Variants in ZNF469 observed in about 807,000 individuals in gnomAD.
ZNF469 encodes the protein zinc finger protein 469.
Under a neutral mutation model 1.0 loss-of-function variants are expected in ZNF469, and 1 was observed. The ratio of observed to expected loss-of-function variants is 1.00; its 90% confidence interval spans 0.35 to 4.73. The LOEUF (loss-of-function observed/expected upper bound fraction) is 4.73, where lower values mean the gene tolerates loss of function less well. Among genes scored for constraint, ZNF469 ranks in the 30% most tolerant of loss-of-function variants. The probability of loss-of-function intolerance (pLI) is 0.16; values close to 1 mark genes in which losing one functional copy is unlikely to be tolerated. For missense variants in ZNF469, 6,100 were observed against 5,356.3 expected (o/e 1.14, Z -4.33); for synonymous variants, 2,703 against 2,363.4 (o/e 1.14, Z -4.17).
At chr16:88,146,966 C>T in the ZNF469 span, among the ~76,000 whole-genome samples, 1 of 152,022 alleles carries the variant, frequency 6.6e-6, no homozygotes, top group Non-Finnish European at 1.5e-5. Context: ...GAGAAACTGT[C>T]CCCACGTCAG....
In ZNF469 at chr16:88,436,518, G is replaced by A. The variant is rs1213235340; in HGVS notation, c.9048G>A (p.Val3016=). Residue 3016 remains valine (V), a synonymous_variant, in exon 3 of 3, where the codon GTG becomes GTA. Coordinates refer to ENST00000565624, the MANE Select transcript of ZNF469 (RefSeq NM_001367624.2). ...ADDSSSSLGD[V]SPEPPSLERE... ...ACTCCTCCTCTTCTCTCGGAGATGTGAGCCCCGAGCCCCCCAGCCTGGAGA... is the reference window on the plus strand; with the variant it reads ...ACTCCTCCTCTTCTCTCGGAGATGTAAGCCCCGAGCCCCCCAGCCTGGAGA... 2 of 1,548,918 alleles carry A rather than the reference G, an allele frequency of 1.3e-6. No individual in the cohort carries two copies. Among genetic ancestry groups the A allele is most frequent in the Middle Eastern group, 1.7e-4 (1 of 5,992 alleles).
At chr16:88,275,991 C>T in the ZNF469 span, among the ~76,000 whole-genome samples, 45,025 of 152,028 alleles carry the variant, frequency 0.3, 7,260 homozygotes, top group South Asian at 0.39. Context: ...GCCGTGGCAG[C>T]GACCCCGGCA....
At chr16:88,416,950 C>G (rs543707845) in intron 1 of ZNF469, among the ~76,000 whole-genome samples, 2 of 152,214 alleles carry the variant, frequency 1.3e-5, no homozygotes, top group Non-Finnish European at 2.9e-5. Flanking sequence ...TCAAGGTCAG[C>G]CACCCACACA....
the ZNF469 span, among the ~76,000 whole-genome samples, chr16:88,184,364 C>T: frequency 9.9e-5 from 15 of 152,122 alleles, no homozygotes; most frequent in African/African-American, 2.9e-4. Context: ...AGGAGGGCGC[C>T]GTGATTAAAC....
At chr16:88,397,666 A>ATAGATAGATAGATAGATAGC (rs1447320359) in intron 1 of ZNF469, among the ~76,000 whole-genome samples, 23 of 149,686 alleles carry the variant, frequency 1.5e-4, no homozygotes, top group Non-Finnish European at 3.4e-4. Flanking sequence ...AGATAGATAG[A>ATAGATAGATAGATAGATAGC]TAGATAGATA....
the ZNF469 span, among the ~76,000 whole-genome samples, chr16:88,296,231 G>A: frequency 6.6e-6 from 1 of 152,194 alleles, no homozygotes; most frequent in African/African-American, 2.4e-5. Context: ...CTGGGAAGGG[G>A]CCAGCCTGGC....
At chr16:88,132,988 C>T in the ZNF469 span, among the ~76,000 whole-genome samples, 5,052 of 151,966 alleles carry the variant, frequency 0.033, no homozygotes, top group African/African-American at 0.11. Flanking sequence ...GGCACAGGTG[C>T]GGTGGGCATG....
At chr16:88,217,577 G>A in the ZNF469 span, among the ~76,000 whole-genome samples, 2 of 127,020 alleles carry the variant, frequency 1.6e-5, no homozygotes, top group Non-Finnish European at 3.3e-5. Flanking sequence ...ATCTCCCAAT[G>A]CTATCCCTCC....
At chr16:88,177,409 C>T in the ZNF469 span, 1 of 152,376 alleles carries the variant, frequency 6.6e-6, no homozygotes, top group South Asian at 2.1e-4. This position sits in a 1 kb window ranked among gnomAD's most constrained non-coding sequence, Gnocchi z 4.8. Context: ...TCACCCCCCA[C>T]TGGCAAATGA....
the ZNF469 span, among the ~76,000 whole-genome samples, chr16:88,233,751 G>A: frequency 2.0e-5 from 3 of 152,258 alleles, no homozygotes; most frequent in Admixed American, 2.0e-4. Flanking sequence ...AGGCAGATCT[G>A]TTTCAGGACC....
chr16:88,133,400 T>C, the ZNF469 span, among the ~76,000 whole-genome samples: 1 of 152,232 alleles, frequency 6.6e-6, no homozygotes, highest in Admixed American at 6.5e-5. Flanking sequence ...CCCTGGGGCC[T>C]GTCAGGGAAG....
chr16:88,196,906 C>G, the ZNF469 span, among the ~76,000 whole-genome samples: 1 of 152,130 alleles, frequency 6.6e-6, no homozygotes, highest in African/African-American at 2.4e-5. Context: ...GCATGAGGAG[C>G]GCTGCTTATG....
the ZNF469 span, among the ~76,000 whole-genome samples, chr16:88,328,914 C>T: frequency 3.3e-5 from 5 of 151,996 alleles, no homozygotes; most frequent in African/African-American, 7.3e-5. Flanking sequence ...CGGAGGAGGC[C>T]GAGGAGGGAG....
At chr16:88,418,929 A>G (rs58737698) in intron 1 of ZNF469, among the ~76,000 whole-genome samples, 5,248 of 152,362 alleles carry the variant, frequency 0.034, 312 homozygotes, top group African/African-American at 0.12. Flanking sequence ...CGAGGACTAC[A>G]GACGGGAGGC....
At chr16:88,266,885 T>A in the ZNF469 span, among the ~76,000 whole-genome samples, 2 of 152,224 alleles carry the variant, frequency 1.3e-5, no homozygotes, top group African/African-American at 4.8e-5. Context: ...TTTTAGTTGG[T>A]GTGACAAGAA....
chr16:88,429,235 A>C lies in ZNF469; in HGVS notation c.1765A>C (p.Ser589Arg). Residue 589 changes from serine (S) to arginine (R), a missense_variant, in exon 3 of 3, where the codon AGC becomes CGC. By Grantham distance (110) the Ser-to-Arg change is moderately radical. Transcript: ENST00000565624. ...ACCGAGGGTAGTGGGAGCCTCCCCC[A>C]GCGAGTCCCCACTGCCGTCACCGGC... ...PPPRVVGASP[S>R]ESPLPSPATN... 6.5e-7 allele frequency: 1 copy of C among 1,549,496 alleles called. No homozygotes were observed.
At chr16:88,318,969 A>C in the ZNF469 span, among the ~76,000 whole-genome samples, 7 of 152,356 alleles carry the variant, frequency 4.6e-5, no homozygotes, top group South Asian at 1.4e-3. Flanking sequence ...GGAGCCCAAA[A>C]GTCTCATTAC....
chr16:88,149,040 T>A, the ZNF469 span, among the ~76,000 whole-genome samples: 1 of 152,198 alleles, frequency 6.6e-6, no homozygotes, highest in Non-Finnish European at 1.5e-5. Flanking sequence ...CTGCTCCATT[T>A]ATTAAATCAA....
At chr16:88,127,634 T>C in the ZNF469 span, among the ~76,000 whole-genome samples, 1 of 152,174 alleles carries the variant, frequency 6.6e-6, no homozygotes, top group Non-Finnish European at 1.5e-5. Context: ...TCGTCAGTGC[T>C]GGAGGCGGCA....
Sources: gnomAD v4.1 joint callset for allele counts (sites outside exome capture counted in the v4.1 genomes callset) on GRCh38, gnomAD v4.1.1 for gene constraint, Gnocchi (gnomAD v3.1) non-coding constraint, MANE v1.5 for transcripts, NCBI Gene and HGNC (gene_info 2026-07-23, HGNC 2026-07-21) for gene names.